NCALD: variants seen among roughly 807,000 people sequenced by gnomAD.
NCALD encodes the protein neurocalcin-delta.
A neutral mutation model predicts 18.6 loss-of-function variants in NCALD; 10 were observed. The observed-to-expected ratio is 0.54, with a 90% confidence interval of 0.33 to 0.91. The LOEUF is 0.91. NCALD is among the 40% of genes least tolerant of loss of function. The probability of loss-of-function intolerance (pLI) is 0.03; values close to 1 mark genes in which losing one functional copy is unlikely to be tolerated. For synonymous variants in NCALD, 88 were observed against 87.4 expected (o/e 1.01, Z -0.04); for missense variants, 184 against 247.6 (o/e 0.74, Z 1.72).
chr8:102,073,020 G>A (rs575763614), intron 1 of NCALD, among the ~76,000 whole-genome samples: 1 of 152,154 alleles, frequency 6.6e-6, no homozygotes, highest in African/African-American at 2.4e-5. Context: ...AATAAAAAGT[G>A]CACATAAATA....
intron 4 of NCALD, among the ~76,000 whole-genome samples, chr8:101,803,921 A>T (rs896933000): frequency 6.6e-6 from 1 of 152,242 alleles, no homozygotes; most frequent in Non-Finnish European, 1.5e-5. Context: ...GCCATCAAAC[A>T]GCACTGCATG....
chr8:101,728,791 G>C (rs1288805903), intron 1 of NCALD, among the ~76,000 whole-genome samples: 1 of 152,192 alleles, frequency 6.6e-6, no homozygotes, highest in East Asian at 1.9e-4. Flanking sequence ...CTGCACTCCA[G>C]TCTGGGCAAC....
At chr8:101,945,125 A>C in intron 2 of NCALD, among the ~76,000 whole-genome samples, 1 of 151,934 alleles carries the variant, frequency 6.6e-6, no homozygotes, top group African/African-American at 2.4e-5. Context: ...CCCCAGCAAG[A>C]CTCTCTGGAG....
intron 2 of NCALD, among the ~76,000 whole-genome samples, chr8:101,945,705 T>C (rs1254300131): frequency 6.6e-6 from 1 of 152,224 alleles, no homozygotes; most frequent in East Asian, 1.9e-4. Flanking sequence ...TTGATAGATG[T>C]GTCACGTGGA....
chr8:102,009,373 G>C (rs1370361790), intron 2 of NCALD, among the ~76,000 whole-genome samples: 2 of 152,186 alleles, frequency 1.3e-5, no homozygotes, highest in African/African-American at 2.4e-5. Context: ...GAAGGGGAGA[G>C]GTTGCCTGTG....
chr8:101,933,143 G>A (rs1019202271), intron 2 of NCALD, among the ~76,000 whole-genome samples: 12 of 152,198 alleles, frequency 7.9e-5, no homozygotes, highest in Admixed American at 7.9e-4. Context: ...GCTGTTGTAG[G>A]CTGAATAATG....
rs143365782 is a variant in NCALD at position 102,109,574 on chromosome 8, A to T, written c.-210+14663T>A. 1.6e-4 allele frequency among the ~76,000 whole-genome samples: 24 copies of T among 152,350 alleles called. No individual in the cohort carries two copies. In the East Asian group the frequency reaches 4.4e-3, roughly 28 times the overall value. On this transcript the variant is annotated intron_variant, in intron 1 of 6. Coordinates refer to the NCALD transcript ENST00000311028. ...ACATTTGCCCACTCGCCAGTGTCAAACTATGTCAAATGGGCAAGTGATATA... is the reference window on the plus strand; with the variant it reads ...ACATTTGCCCACTCGCCAGTGTCAATCTATGTCAAATGGGCAAGTGATATA...
chr8:102,000,184 C>T lies in NCALD; in HGVS notation c.-157+20053G>A, dbSNP rs28626996. Among the ~76,000 whole-genome samples the T allele has an allele frequency of 9.7e-3, 1,473 of 152,290 alleles. 24 individuals carry two copies. Among genetic ancestry groups the T allele is most frequent in the African/African-American group, 0.03 (1,252 of 41,552 alleles). On this transcript the variant is annotated intron_variant, in intron 2 of 6. Transcript: ENST00000311028. The stretch of plus-strand genomic sequence containing the variant: ...TCGGGTCACTCCCACCCTAATACTG[C>T]GCTTTTCTCACAGTCTTAGCAAACA...
rs149099909 is a variant in NCALD, at chr8:102,009,877, C to A, written c.-157+10360G>T. On this transcript the variant is annotated intron_variant, in intron 2 of 6. Transcript: ENST00000311028. ...TGCTACCTCAGGAAAAAAGCTCTTA[C>A]AGTAGGCACTGCTGGTATGTTCGAG... Among the ~76,000 whole-genome samples, 3 of 152,342 alleles carry A rather than the reference C, an allele frequency of 2.0e-5. No homozygotes were observed. In the East Asian group the frequency reaches 5.8e-4, roughly 29 times the overall value.
chr8:101,895,214 C>G (rs994005209), intron 3 of NCALD, among the ~76,000 whole-genome samples: 1 of 148,896 alleles, frequency 6.7e-6, no homozygotes, highest in Non-Finnish European at 1.5e-5. Context: ...TCGATATACG[C>G]AAATCAATAA....
At chr8:101,715,333 A>G (rs1346920858) in intron 2 of NCALD, among the ~76,000 whole-genome samples, 1 of 152,234 alleles carries the variant, frequency 6.6e-6, no homozygotes, top group Non-Finnish European at 1.5e-5. Flanking sequence ...TTAACTCCAG[A>G]TGGATTAAAG....
chr8:102,043,955 C>T (rs370043023), intron 1 of NCALD, among the ~76,000 whole-genome samples: 2 of 151,882 alleles, frequency 1.3e-5, no homozygotes, highest in East Asian at 1.9e-4. Context: ...TACATTCTTA[C>T]GGGGAAGAAA....
intron 1 of NCALD, among the ~76,000 whole-genome samples, chr8:101,754,937 C>T (rs775236721): frequency 6.6e-6 from 1 of 152,162 alleles, no homozygotes; most frequent in Non-Finnish European, 1.5e-5. Flanking sequence ...GATTAAGTAC[C>T]TTACACAAGG....
rs1825314011 is a variant in NCALD, at chr8:102,102,429, G to A, written c.-210+21808C>T. On this transcript the variant is annotated intron_variant, in intron 1 of 6. Transcript: ENST00000311028. ...CTAATACCCCTAACCCTTGCTGGGG[G>A]TCCCCTTGTTATGGCACATGCGTCA... 3.3e-5 allele frequency among the ~76,000 whole-genome samples: 5 copies of A among 152,172 alleles called. No homozygotes were observed. In the South Asian group the frequency reaches 8.3e-4, roughly 25 times the overall value.
intron 1 of NCALD, among the ~76,000 whole-genome samples, chr8:101,751,505 T>A (rs1481629062): frequency 6.6e-6 from 1 of 152,058 alleles, no homozygotes; most frequent in Non-Finnish European, 1.5e-5. Context: ...AATGGTAAAT[T>A]TTTTGTTATG....
chr8:101,805,265 C>T (rs1424798989), intron 4 of NCALD, among the ~76,000 whole-genome samples: 1 of 152,182 alleles, frequency 6.6e-6, no homozygotes, highest in Non-Finnish European at 1.5e-5. Context: ...AAGCTCCTCC[C>T]TTGAGAAGAT....
intron 2 of NCALD, among the ~76,000 whole-genome samples, chr8:101,939,126 C>A (rs1818864294): frequency 6.6e-6 from 1 of 152,158 alleles, no homozygotes; most frequent in Non-Finnish European, 1.5e-5. Context: ...TACCCACAGT[C>A]CTTGATGTCT....
intron 2 of NCALD, chr8:101,694,353 T>G (rs1814886867): frequency 6.6e-6 from 1 of 152,180 alleles, no homozygotes; most frequent in East Asian, 1.9e-4. Context: ...TGCTTTACAG[T>G]CTTGCTCAGG....
intron 2 of NCALD, among the ~76,000 whole-genome samples, chr8:101,977,869 A>G (rs981064760): frequency 1.3e-5 from 2 of 152,156 alleles, no homozygotes; most frequent in Non-Finnish European, 2.9e-5. Context: ...TACTTTCATG[A>G]AGGCCCTGAT....
Sources: allele counts gnomAD v4.1 joint callset (sites outside exome capture counted in the v4.1 genomes callset), GRCh38; gene constraint gnomAD v4.1.1; transcripts MANE v1.5; gene names NCBI Gene and HGNC (gene_info 2026-07-23, HGNC 2026-07-21).